The following PCDH15 variants were observed in gnomAD, a reference collection of about 807,000 sequenced individuals.
PCDH15 encodes protocadherin related 15.
A neutral mutation model predicts 178.5 loss-of-function variants in PCDH15; 129 were observed. The ratio of observed to expected loss-of-function variants is 0.72; its 90% CI spans 0.63 to 0.84. The LOEUF is 0.84. Among genes scored for constraint, PCDH15 ranks in the 40% least tolerant of loss-of-function variants. The pLI, the probability that PCDH15 is intolerant of heterozygous loss-of-function variation, is 0.00. For missense variants in PCDH15, 2,230 were observed against 2,099.9 expected, an observed-to-expected ratio of 1.06 and a Z score of -1.21; for synonymous variants, 800 against 732.0, an observed-to-expected ratio of 1.09 and a Z score of -1.50.
chr10:54,312,713 G>C (rs2060986829), intron 8 of PCDH15, among the ~76,000 whole-genome samples: 1 of 152,056 alleles, frequency 6.6e-6, no homozygotes, highest in Non-Finnish European at 1.5e-5. Flanking sequence ...TAATCATTAT[G>C]AAAGTGGCAC....
At chr10:54,311,104 A>G (rs1025963600) in intron 8 of PCDH15, among the ~76,000 whole-genome samples, 1 of 152,080 alleles carries the variant, frequency 6.6e-6, no homozygotes, top group Non-Finnish European at 1.5e-5. Flanking sequence ...TTTAAGACAA[A>G]GATTGAAGTT....
chr10:54,153,182 C>G lies in PCDH15; in HGVS notation c.1702G>C (p.Ala568Pro). ...CCGACTATCATTTCCACCCCTGGAG[C>G]GATGGTGATAAGCCCTGTTGTTTTA... ...INKTTGLITIAPGVEMIVGRT... is the reference protein window; with the variant it reads ...INKTTGLITIPPGVEMIVGRT... Residue 568 changes from alanine to proline, a missense_variant, in exon 14 of 38, where the codon GCT becomes CCT. Transcript: ENST00000644397. 6.2e-7 allele frequency: 1 copy of G among 1,613,888 alleles called. No homozygotes were observed. Among genetic ancestry groups the G allele is most frequent in the Non-Finnish European group, 8.5e-7 (1 of 1,179,882 alleles).
intron 28 of PCDH15, 128 bp downstream of exon 28, chr10:53,857,047 C>T: frequency 1.4e-6 from 1 of 720,782 alleles, no homozygotes. Flanking sequence ...CTAAACCTCA[C>T]CAATATGCAA....
At chr10:54,464,528 G>C (rs1264404350) in intron 3 of PCDH15, among the ~76,000 whole-genome samples, 3 of 152,096 alleles carry the variant, frequency 2.0e-5, no homozygotes, top group Admixed American at 6.6e-5. Flanking sequence ...AATTATAATA[G>C]CTTACAGATA....
intron 2 of PCDH15, among the ~76,000 whole-genome samples, chr10:55,336,782 C>T (rs1207347941): frequency 1.3e-5 from 2 of 152,204 alleles, no homozygotes; most frequent in Non-Finnish European, 1.5e-5. Flanking sequence ...CATAGCTTTC[C>T]GTTTCTTCAT....
chr10:54,008,810 G>A lies in PCDH15; in HGVS notation c.2751+11382C>T, dbSNP rs537189611. ...ACTGTTCAATTCCACCAAGTCATAT[G>A]AGTAGACAAGAGTAAACCAAGGCAA... is the stretch of plus-strand genomic sequence containing the variant. On this transcript the variant is annotated intron_variant, in intron 20 of 37. Transcript: ENST00000644397. 9.9e-5 allele frequency among the ~76,000 whole-genome samples: 15 copies of A among 152,188 alleles called. No individual in the cohort carries two copies. The South Asian group carries it at 2.9e-3, about 29-fold the overall frequency.
At chr10:54,421,881 TATAC>T (rs1174998285) in intron 3 of PCDH15, among the ~76,000 whole-genome samples, 2,798 of 69,586 alleles carry the variant, frequency 0.04, 258 homozygotes, top group African/African-American at 0.16. Flanking sequence ...TATATATATA[TATAC>T]ACACACACAC....
rs1221321008 is a variant in PCDH15, at chr10:55,357,249, A to T, written c.-155-190598T>A. The stretch of plus-strand genomic sequence containing the variant: ...CCTTAATCTTATCTATGAAACATAA[A>T]TATACAACAAAAGTATTTAGAATAT... On this transcript the variant is annotated intron_variant, in intron 2 of 5. Coordinates refer to the PCDH15 transcript ENST00000613346. 2.6e-5 allele frequency among the ~76,000 whole-genome samples: 4 copies of T among 152,004 alleles called. No individual in the cohort carries two copies. In the South Asian group the frequency reaches 8.3e-4, roughly 31 times the overall value.
At chr10:54,263,321 G>A (rs574887370) in intron 8 of PCDH15, among the ~76,000 whole-genome samples, 1 of 152,192 alleles carries the variant, frequency 6.6e-6, no homozygotes, top group Admixed American at 6.5e-5. Context: ...CATGGCATCA[G>A]CCACTAAAAG....
At chr10:55,129,594 C>A (rs1399032474) in intron 2 of PCDH15, among the ~76,000 whole-genome samples, 1 of 152,098 alleles carries the variant, frequency 6.6e-6, no homozygotes, top group East Asian at 1.9e-4. Context: ...CTTTGGGTAT[C>A]TTTTCCTGCT....
At chr10:54,329,872 T>A (rs1430187776) in intron 6 of PCDH15, among the ~76,000 whole-genome samples, 166 bp from the exon 7 acceptor site, 1 of 151,910 alleles carries the variant, frequency 6.6e-6, no homozygotes, top group Non-Finnish European at 1.5e-5. Flanking sequence ...CTTCCAAACA[T>A]TTAATTTTGA....
chr10:54,793,694 A>C (rs1364100834), intron 1 of PCDH15, among the ~76,000 whole-genome samples: 1 of 148,314 alleles, frequency 6.7e-6, no homozygotes, highest in Non-Finnish European at 1.5e-5. Flanking sequence ...ATATATACAT[A>C]TATAAACATA....
intron 15 of PCDH15, among the ~76,000 whole-genome samples, chr10:54,130,933 G>A (rs1481791445): frequency 6.6e-6 from 1 of 152,106 alleles, no homozygotes; most frequent in Non-Finnish European, 1.5e-5. Flanking sequence ...ACAAAAGTGG[G>A]TGGTTAGTGG....
At chr10:54,102,974 G>T (rs1324543893) in intron 15 of PCDH15, among the ~76,000 whole-genome samples, 1 of 152,180 alleles carries the variant, frequency 6.6e-6, no homozygotes, top group Non-Finnish European at 1.5e-5. Flanking sequence ...CCTTTCCCCA[G>T]TGCACAGTGA....
At chr10:55,226,594 C>T (rs1468362700) in intron 1 of PCDH15, among the ~76,000 whole-genome samples, 1 of 151,912 alleles carries the variant, frequency 6.6e-6, no homozygotes, top group African/African-American at 2.4e-5. Context: ...GTTGGCCAGG[C>T]TGGTCTCGAA....
intron 2 of PCDH15, among the ~76,000 whole-genome samples, chr10:54,979,415 TC>T (rs1839160913): frequency 1.3e-5 from 2 of 152,208 alleles, no homozygotes; most frequent in South Asian, 4.1e-4. Flanking sequence ...ACACCTGTAA[TC>T]CCAGCACTTT....
chr10:55,236,419 T>C (rs1390599233), intron 1 of PCDH15, among the ~76,000 whole-genome samples: 1 of 152,062 alleles, frequency 6.6e-6, no homozygotes, highest in Non-Finnish European at 1.5e-5. Flanking sequence ...CTTACACCCT[T>C]CACCATCATA....
intron 26 of PCDH15, 92 bp from the exon 27 acceptor site, chr10:53,866,949 T>C (rs997177830): frequency 3.4e-6 from 3 of 871,572 alleles, no homozygotes; most frequent in Non-Finnish European, 5.8e-6. Context: ...GAATGAGGTT[T>C]CTTATGTAAT....
intron 2 of PCDH15, among the ~76,000 whole-genome samples, chr10:55,626,608 T>A (rs1408140225): frequency 6.6e-6 from 1 of 152,192 alleles, no homozygotes; most frequent in Non-Finnish European, 1.5e-5. Context: ...CCACGTAAAT[T>A]GTAATATTGA....
Sources: gnomAD v4.1 joint callset for allele counts (sites outside exome capture counted in the v4.1 genomes callset) on GRCh38, gnomAD v4.1.1 for gene constraint, MANE v1.5 for transcripts, NCBI Gene and HGNC (gene_info 2026-07-23, HGNC 2026-07-21) for gene names.